The following PPP1R42 variants were observed in gnomAD, a reference collection of about 807,000 sequenced individuals.
PPP1R42 encodes the protein leucine rich repeat containing 67.
A neutral mutation model predicts 31.0 loss-of-function variants in PPP1R42; 34 were observed. The observed-to-expected ratio is 1.10, with a 90% CI of 0.83 to 1.46. The LOEUF (loss-of-function observed/expected upper bound fraction) is 1.46. Ranked by LOEUF, PPP1R42 falls within the 40% of genes most tolerant of loss-of-function variation. The pLI, the probability that PPP1R42 is intolerant of heterozygous loss-of-function variation, is 0.00. For synonymous variants in PPP1R42, 103 were observed against 109.8 expected (o/e 0.94, Z 0.39); for missense variants, 268 against 303.0 (o/e 0.88, Z 0.86).
At chr8:66,989,043 A>T (rs1815111461) in intron 5 of PPP1R42, among the ~76,000 whole-genome samples, 1 of 152,188 alleles carries the variant, frequency 6.6e-6, no homozygotes, top group African/African-American at 2.4e-5. Context: ...TATCATGCAA[A>T]GATCACTTTT....
chr8:66,986,582 C>G (rs950729381), intron 6 of PPP1R42, among the ~76,000 whole-genome samples: 1 of 152,184 alleles, frequency 6.6e-6, no homozygotes, highest in Non-Finnish European at 1.5e-5. Context: ...GGAGGCAGAG[C>G]GCATGCGTCG....
intron 7 of PPP1R42, among the ~76,000 whole-genome samples, chr8:66,967,276 T>C (rs2130908447): frequency 6.6e-6 from 1 of 152,330 alleles, no homozygotes; most frequent in South Asian, 2.1e-4. Context: ...TCACCCAGCC[T>C]AAAAACACTG....
chr8:67,017,160 A>T (rs920557783), intron 2 of PPP1R42, among the ~76,000 whole-genome samples: 1 of 152,168 alleles, frequency 6.6e-6, no homozygotes. Context: ...AAAACACAAT[A>T]TAAAGCTTAC....
intron 1 of PPP1R42, 30 bp from the exon 2 acceptor site, chr8:67,017,861 G>T: frequency 8.7e-7 from 1 of 1,153,618 alleles, no homozygotes; most frequent in Non-Finnish European, 1.1e-6. Context: ...GGAGCATTAT[G>T]ATATCATAGC....
At chr8:67,016,102 G>C (rs1303756846) in intron 2 of PPP1R42, among the ~76,000 whole-genome samples, 4 of 152,224 alleles carry the variant, frequency 2.6e-5, no homozygotes, top group African/African-American at 9.6e-5. Context: ...AGAAACATTA[G>C]GTTTGGGCAA....
intron 7 of PPP1R42, among the ~76,000 whole-genome samples, chr8:66,977,415 G>A (rs922140022): frequency 6.6e-6 from 1 of 151,036 alleles, no homozygotes; most frequent in Non-Finnish European, 1.5e-5. Context: ...ATAGCTCACT[G>A]CAGCTTCAAG....
At chr8:66,985,940 A>G in intron 6 of PPP1R42, 1 of 785,094 alleles carries the variant, frequency 1.3e-6, no homozygotes, top group Non-Finnish European at 2.2e-6. Flanking sequence ...AAGAGTCATC[A>G]CCAAACACCT....
intron 1 of PPP1R42, 49 bp from the exon 2 acceptor site, chr8:67,017,880 G>A (rs1816064481): frequency 2.1e-6 from 2 of 939,416 alleles, no homozygotes; most frequent in Non-Finnish European, 2.9e-6. Context: ...GCAATTTAAG[G>A]AAAAGTTATT....
chr8:66,974,918 G>A (rs949980835), intron 7 of PPP1R42, among the ~76,000 whole-genome samples: 1 of 152,180 alleles, frequency 6.6e-6, no homozygotes, highest in African/African-American at 2.4e-5. Flanking sequence ...GTTAAGAAAT[G>A]TGGTGCCTTC....
At chr8:66,980,799 A>G (rs538173823) in intron 7 of PPP1R42, among the ~76,000 whole-genome samples, 1 of 152,168 alleles carries the variant, frequency 6.6e-6, no homozygotes, top group Admixed American at 6.5e-5. Context: ...GAAAGGAGGA[A>G]GGGGCTCATT....
chr8:67,006,394 C>T (rs1310371564), intron 5 of PPP1R42, among the ~76,000 whole-genome samples: 10 of 152,200 alleles, frequency 6.6e-5, no homozygotes, highest in African/African-American at 2.2e-4. Context: ...CAGTTCACTG[C>T]TTCACTGCAG....
At chr8:66,984,419 T>C in intron 6 of PPP1R42, 1 of 1,320,066 alleles carries the variant, frequency 7.6e-7, no homozygotes, top group Non-Finnish European at 1.1e-6. Flanking sequence ...TTCTGGGTCT[T>C]GGGGCCCCCT....
intron 7 of PPP1R42, among the ~76,000 whole-genome samples, chr8:66,971,467 G>A (rs183741562): frequency 8.5e-5 from 13 of 152,136 alleles, no homozygotes; most frequent in African/African-American, 2.9e-4. Context: ...ATCGTGTATC[G>A]TTTTGGGGAT....
At chr8:67,017,902 T>G in intron 1 of PPP1R42, 71 bp from the exon 2 acceptor site, 1 of 710,400 alleles carries the variant, frequency 1.4e-6, no homozygotes, top group South Asian at 4.8e-5. Context: ...TGACTTACTC[T>G]TTAAATAATT....
chr8:66,969,429 A>G (rs564424295), intron 7 of PPP1R42, among the ~76,000 whole-genome samples: 13 of 152,260 alleles, frequency 8.5e-5, no homozygotes, highest in Non-Finnish European at 1.9e-4. Flanking sequence ...GACAATGGAC[A>G]TAAGCAGTAA....
intron 7 of PPP1R42, among the ~76,000 whole-genome samples, chr8:66,979,044 A>C (rs1007922284): frequency 6.6e-6 from 1 of 152,158 alleles, no homozygotes; most frequent in African/African-American, 2.4e-5. Context: ...GCTGTGCAGA[A>C]GCTTTTTAGT....
chr8:66,972,021 A>T (rs1056511560), intron 7 of PPP1R42, among the ~76,000 whole-genome samples: 3 of 152,240 alleles, frequency 2.0e-5, no homozygotes, highest in African/African-American at 7.2e-5. Flanking sequence ...AAAGACCTGA[A>T]AGGTAGGTAT....
intron 5 of PPP1R42, among the ~76,000 whole-genome samples, chr8:66,998,756 A>G (rs777923194): frequency 1.3e-5 from 2 of 152,222 alleles, no homozygotes; most frequent in Non-Finnish European, 2.9e-5. Flanking sequence ...AAAATCATAC[A>G]TGGTGCTGAA....
At chr8:67,009,524 C>T (rs954355224) in intron 5 of PPP1R42, among the ~76,000 whole-genome samples, 16 of 151,934 alleles carry the variant, frequency 1.1e-4, no homozygotes, top group African/African-American at 1.5e-4. Flanking sequence ...TTCAAGATCT[C>T]GCCATTGCAC....
Sources: allele counts gnomAD v4.1 joint callset (sites outside exome capture counted in the v4.1 genomes callset), GRCh38; gene constraint gnomAD v4.1.1; transcripts MANE v1.5; gene names NCBI Gene and HGNC (gene_info 2026-07-23, HGNC 2026-07-21).